Variants in ANKS1B observed in about 807,000 individuals in gnomAD.
The protein encoded by ANKS1B is ankyrin repeat and sterile alpha motif domain-containing protein 1B.
ANKS1B carries 36 observed loss-of-function variants against 148.3 expected under a neutral mutation model. The ratio of observed to expected loss-of-function variants is 0.24; its 90% CI spans 0.19 to 0.32. The LOEUF (loss-of-function observed/expected upper bound fraction) is 0.32. ANKS1B is among the 10% of genes least tolerant of loss of function. The pLI is 1.00. For synonymous variants in ANKS1B, 542 were observed against 560.8 expected (o/e 0.97, Z 0.47); for missense variants, 1,157 against 1,542.6 (o/e 0.75, Z 4.19).
chr12:99,218,079 G>A (rs900575470), intron 14 of ANKS1B, among the ~76,000 whole-genome samples: 3 of 152,158 alleles, frequency 2.0e-5, no homozygotes, highest in African/African-American at 7.2e-5. Flanking sequence ...AAGGATGTGA[G>A]GGGACTATCT....
Position 98,744,845 on chromosome 12 carries a change from A to AATC in ANKS1B, c.*891_*893dup. The stretch of plus-strand genomic sequence containing the variant: ...TAAAACACTGTGAAGATTAAAAAAC[A>AATC]ATCTTGGCAGGCTGATGGCTGCGTC... On this transcript the variant is annotated 3_prime_UTR_variant, in exon 27 of 27. Transcript: ENST00000683438. 4 of 985,610 alleles carry AATC rather than the reference A, an allele frequency of 4.1e-6. No homozygotes were observed. Among genetic ancestry groups the AATC allele is most frequent in the Non-Finnish European group, 4.8e-6 (4 of 829,896 alleles). The allele number at this position is 985,610 out of a possible 1,614,324, so 61.1% of individuals were successfully genotyped here.
At chr12:99,634,600 C>G (rs1056547416) in intron 9 of ANKS1B, among the ~76,000 whole-genome samples, 1 of 152,032 alleles carries the variant, frequency 6.6e-6, no homozygotes, top group Non-Finnish European at 1.5e-5. Context: ...TAATTTTATC[C>G]TAAATAATCT....
rs544705022 is a variant in ANKS1B at position 99,193,810 on chromosome 12, T to A, written c.2420-39415A>T. ...TTCTAGTTCTTTTTTTTTTTTTTTT[T>A]TTTTTTTTTGAGATGGAGTCTTGCT... On this transcript the variant is annotated intron_variant, in intron 14 of 26. Coordinates refer to ENST00000683438, the MANE Select transcript of ANKS1B (RefSeq NM_001352186.2). 7.2e-3 allele frequency among the ~76,000 whole-genome samples: 987 copies of A among 137,954 alleles called. 26 individuals carry two copies. Among genetic ancestry groups the A allele is most frequent in the African/African-American group, 0.025 (922 of 37,434 alleles). The allele number at this position is 137,954 out of a possible 152,430, so 90.5% of individuals were successfully genotyped here.
chr12:99,443,661 C>T lies in ANKS1B; in HGVS notation c.1575+12G>A, dbSNP rs1228526498. ...ACATTAGAGGGAAAATGATGCCATT[C>T]TGGGCACTTACCTGGGGTCGAATGA... On this transcript the variant is annotated intron_variant, in intron 11 of 26. Transcript: ENST00000683438. 1 of 1,610,730 alleles carries T rather than the reference C, an allele frequency of 6.2e-7. No individual in the cohort carries two copies. Among genetic ancestry groups the T allele is most frequent in the African/African-American group, 1.3e-5 (1 of 74,716 alleles).
intron 21 of ANKS1B, among the ~76,000 whole-genome samples, chr12:98,800,114 G>A (rs893875711): frequency 4.0e-5 from 6 of 151,332 alleles, no homozygotes; most frequent in Non-Finnish European, 8.8e-5. Flanking sequence ...GGTTTGGAGG[G>A]AGGAGCCATT....
intron 14 of ANKS1B, among the ~76,000 whole-genome samples, chr12:99,179,616 C>T (rs1425942512): frequency 3.9e-5 from 6 of 151,934 alleles, no homozygotes; most frequent in Non-Finnish European, 8.8e-5. Flanking sequence ...TAACAGCTGG[C>T]TTAGTATATT....
chr12:99,448,485 A>C (rs2152811400), intron 10 of ANKS1B, among the ~76,000 whole-genome samples: 1 of 152,204 alleles, frequency 6.6e-6, no homozygotes, highest in Non-Finnish European at 1.5e-5. Flanking sequence ...TAGAAGGAAT[A>C]AGTTCAAGAG....
chr12:99,142,584 G>T (rs564996906), intron 15 of ANKS1B, among the ~76,000 whole-genome samples: 11 of 152,078 alleles, frequency 7.2e-5, no homozygotes, highest in Non-Finnish European at 1.5e-4. Flanking sequence ...ACTAAAAATA[G>T]AATCTATTTC....
intron 17 of ANKS1B, among the ~76,000 whole-genome samples, chr12:99,042,394 A>C (rs1035276970): frequency 2.0e-5 from 3 of 152,230 alleles, no homozygotes; most frequent in Admixed American, 6.5e-5. Flanking sequence ...AGACCACCCC[A>C]GGTCAGTCAA....
intron 1 of ANKS1B, among the ~76,000 whole-genome samples, chr12:99,874,380 G>A (rs914547889): frequency 1.1e-4 from 17 of 152,004 alleles, no homozygotes; most frequent in African/African-American, 3.1e-4. Flanking sequence ...CACCAATTCT[G>A]TATTTGTGAA....
At chr12:99,361,721 G>A (rs2092476869) in intron 12 of ANKS1B, among the ~76,000 whole-genome samples, 1 of 151,950 alleles carries the variant, frequency 6.6e-6, no homozygotes, top group Non-Finnish European at 1.5e-5. Context: ...CAAATTGATT[G>A]AATAAATGTA....
At chr12:99,046,812 AAAAAG>A (rs1267030602) in intron 17 of ANKS1B, among the ~76,000 whole-genome samples, 31 of 89,362 alleles carry the variant, frequency 3.5e-4, no homozygotes, top group South Asian at 1.4e-3. Flanking sequence ...TGTCTTAAAA[AAAAAG>A]AAAAAAAAAA....
At position 99,406,607 on chromosome 12, in the gene ANKS1B, T is replaced by G. The variant is rs1425824673; in HGVS notation, c.1576-6796A>C. Among the ~76,000 whole-genome samples the G allele has an allele frequency of 1.4e-5, 2 of 144,882 alleles. 1 individual carries two copies. The highest frequency in any genetic ancestry group is 3.0e-5 in the Non-Finnish European group (2 of 65,634). ...CTTCAAATAACCTAACAATGCATCC[T>G]AAGAACAAGAAAGGCAAGAGAAAAC... On this transcript the variant is annotated intron_variant, in intron 11 of 26. Transcript: ENST00000683438.
At chr12:99,329,270 G>C (rs2087041206) in intron 12 of ANKS1B, among the ~76,000 whole-genome samples, 1 of 151,720 alleles carries the variant, frequency 6.6e-6, no homozygotes, top group Non-Finnish European at 1.5e-5. Context: ...CTTTCTTTCT[G>C]TGTATCATGT....
intron 1 of ANKS1B, among the ~76,000 whole-genome samples, chr12:99,976,808 C>T (rs2095634700): frequency 6.6e-6 from 1 of 152,276 alleles, no homozygotes; most frequent in Middle Eastern, 3.4e-3. Flanking sequence ...AACAGAGTGT[C>T]TTAGTCTATT....
At chr12:99,675,419 T>G (rs1404935848) in intron 8 of ANKS1B, among the ~76,000 whole-genome samples, 2 of 151,920 alleles carry the variant, frequency 1.3e-5, no homozygotes, top group African/African-American at 2.4e-5. Flanking sequence ...TATGAAAAAT[T>G]GTCATTTTAT....
intron 9 of ANKS1B, among the ~76,000 whole-genome samples, chr12:99,618,032 C>A (rs1185910694): frequency 6.6e-6 from 1 of 152,160 alleles, no homozygotes; most frequent in East Asian, 1.9e-4. Flanking sequence ...TCTTTGACCT[C>A]AATCCCTAAT....
Position 99,667,326 on chromosome 12 carries a change from G to A in ANKS1B, c.1129-12116C>T, listed in dbSNP as rs907231856. Among the ~76,000 whole-genome samples, 12 of 139,578 alleles carry A rather than the reference G, an allele frequency of 8.6e-5. 1 individual carries two copies. Among genetic ancestry groups the A allele is most frequent in the African/African-American group, 3.7e-4 (12 of 32,798 alleles). 91.6% of individuals were successfully genotyped at this position (139,578 alleles called of 152,430 possible). On this transcript the variant is annotated intron_variant, in intron 8 of 26. Transcript: ENST00000683438. ...ATCATGCCACCACACTCCAGTCTGG[G>A]TGACAGAGCGAGACTCTGTCTCAAA...
chr12:99,154,820 G>A (rs2075805392), intron 14 of ANKS1B: 1 of 1,512,334 alleles, frequency 6.6e-7, no homozygotes, highest in Non-Finnish European at 8.8e-7. Context: ...TCATCAGTAT[G>A]CAGCTCCATG....
Sources: allele counts gnomAD v4.1 joint callset (sites outside exome capture counted in the v4.1 genomes callset), GRCh38; gene constraint gnomAD v4.1.1; transcripts MANE v1.5; gene names NCBI Gene and HGNC (gene_info 2026-07-23, HGNC 2026-07-21).